SPECC1L: variants seen among roughly 807,000 people sequenced by gnomAD.
SPECC1L encodes sperm antigen with calponin homology and coiled-coil domains 1 like.
A neutral mutation model predicts 116.8 loss-of-function variants in SPECC1L; 40 were observed. The observed-to-expected ratio is 0.34, with a 90% CI of 0.27 to 0.45. SPECC1L has a LOEUF of 0.45. SPECC1L is among the 20% of genes least tolerant of loss of function. SPECC1L has a pLI of 1.00. For synonymous variants in SPECC1L, 504 were observed against 500.6 expected (o/e 1.01, Z -0.09); for missense variants, 1,110 against 1,373.6 (o/e 0.81, Z 3.03).
intron 2 of SPECC1L, among the ~76,000 whole-genome samples, chr22:24,284,812 G>A (rs1410375833): frequency 1.3e-5 from 2 of 152,122 alleles, no homozygotes; most frequent in East Asian, 3.9e-4. Flanking sequence ...AAAGAAGGAG[G>A]ACAATTTGAA....
chr22:24,293,641 C>T (rs1227777699), intron 2 of SPECC1L, among the ~76,000 whole-genome samples: 1 of 150,512 alleles, frequency 6.6e-6, no homozygotes, highest in East Asian at 2.0e-4. Context: ...AAATAATAGT[C>T]TTGCTGAGCT....
intron 14 of SPECC1L, among the ~76,000 whole-genome samples, chr22:24,411,283 G>A (rs1428496766): frequency 6.6e-6 from 1 of 152,220 alleles, no homozygotes; most frequent in Non-Finnish European, 1.5e-5. Context: ...AACAGGTCAT[G>A]GTAGAGGCCA....
chr22:24,363,370 T>C, intron 12 of SPECC1L, 26 bp downstream of exon 12: 1 of 1,593,882 alleles, frequency 6.3e-7, no homozygotes, highest in Non-Finnish European at 8.6e-7. Flanking sequence ...TGAATTTTTG[T>C]TGTATTTGTT....
intron 14 of SPECC1L, among the ~76,000 whole-genome samples, chr22:24,410,077 G>A (rs1478760571): frequency 2.6e-5 from 4 of 152,252 alleles, no homozygotes; most frequent in Admixed American, 1.3e-4. Flanking sequence ...GCACATAGCC[G>A]GCCTTAATCG....
rs1020486435 is a variant in SPECC1L, at chr22:24,404,749, C to T, written c.3088-6839C>T. Among the ~76,000 whole-genome samples the T allele has an allele frequency of 4.6e-5, 7 of 152,168 alleles. No individual in the cohort carries two copies. The East Asian group carries it at 5.8e-4, about 13-fold the overall frequency. ...CTTGAGCCCTGGCCCATGTCAAGTC[C>T]GTGTGTCAGCCCTGTCCAGCAAGAT... On this transcript the variant is annotated intron_variant, in intron 14 of 16. Coordinates refer to ENST00000314328, the MANE Select transcript of SPECC1L (RefSeq NM_015330.6).
At chr22:24,293,015 G>A (rs2049185011) in intron 2 of SPECC1L, among the ~76,000 whole-genome samples, 5 of 152,180 alleles carry the variant, frequency 3.3e-5, no homozygotes, top group Admixed American at 3.3e-4. Flanking sequence ...CTCCTGTAAT[G>A]CCAGCAACTT....
intron 14 of SPECC1L, among the ~76,000 whole-genome samples, chr22:24,389,138 A>G (rs1340719242): frequency 1.5e-5 from 2 of 133,708 alleles, no homozygotes; most frequent in Non-Finnish European, 3.1e-5. Flanking sequence ...TTTTGGAGAC[A>G]GAGTTTCACT....
At chr22:24,329,178 G>C (rs886861695) in intron 7 of SPECC1L, among the ~76,000 whole-genome samples, 15 of 152,154 alleles carry the variant, frequency 9.9e-5, no homozygotes, top group African/African-American at 3.6e-4. Flanking sequence ...TGCAACTCTT[G>C]GAGTGATGGC....
intron 2 of SPECC1L, among the ~76,000 whole-genome samples, chr22:24,284,912 G>A (rs986725373): frequency 2.6e-5 from 4 of 152,166 alleles, no homozygotes; most frequent in African/African-American, 9.7e-5. Flanking sequence ...AGAGGGAGTG[G>A]ATGAGAAGAG....
At chr22:24,343,456 TTTTTGTTTTG>T in intron 10 of SPECC1L, 1 of 448,934 alleles carries the variant, frequency 2.2e-6, no homozygotes, top group Non-Finnish European at 4.4e-6. Flanking sequence ...TTGTGTTTTT[TTTTTGTTTTG>T]TTTTGTTTTT....
chr22:24,326,289 T>C (rs1315122337), intron 6 of SPECC1L, among the ~76,000 whole-genome samples: 1 of 152,210 alleles, frequency 6.6e-6, no homozygotes, highest in South Asian at 2.1e-4. Flanking sequence ...AAATGAAAGG[T>C]GTAACTCCCA....
At chr22:24,299,355 T>G (rs2049329665) in intron 2 of SPECC1L, among the ~76,000 whole-genome samples, 1 of 152,096 alleles carries the variant, frequency 6.6e-6, no homozygotes, top group African/African-American at 2.4e-5. Context: ...CAGGATCCAT[T>G]GAGCTTGGAA....
intron 10 of SPECC1L, chr22:24,343,402 G>C: frequency 2.4e-6 from 1 of 420,874 alleles, no homozygotes; most frequent in South Asian, 1.7e-5. Flanking sequence ...AATGATCACA[G>C]ACTTCTAGTT....
chr22:24,380,369 C>T (rs1312036760), intron 14 of SPECC1L, among the ~76,000 whole-genome samples: 3 of 152,176 alleles, frequency 2.0e-5, no homozygotes, highest in Non-Finnish European at 4.4e-5. Context: ...CAGGTTGTGA[C>T]ACTTGACTAG....
At chr22:24,303,332 G>A (rs2049420350) in intron 3 of SPECC1L, among the ~76,000 whole-genome samples, 1 of 152,144 alleles carries the variant, frequency 6.6e-6, no homozygotes, top group South Asian at 2.1e-4. Flanking sequence ...TCTCCTAGCT[G>A]TGGCCCTGAG....
At chr22:24,273,356 CTT>C (rs759269297) in intron 1 of SPECC1L, among the ~76,000 whole-genome samples, 21 of 152,022 alleles carry the variant, frequency 1.4e-4, no homozygotes, top group South Asian at 4.2e-4. Flanking sequence ...TATTGGGAGT[CTT>C]TTATACAATT....
chr22:24,291,910 G>A (rs539808154), intron 2 of SPECC1L, among the ~76,000 whole-genome samples: 1 of 152,132 alleles, frequency 6.6e-6, no homozygotes, highest in Non-Finnish European at 1.5e-5. Flanking sequence ...TAAGCACAGA[G>A]AATTATTAAT....
At chr22:24,333,637 G>A (rs1290285605) in intron 8 of SPECC1L, among the ~76,000 whole-genome samples, 1 of 150,948 alleles carries the variant, frequency 6.6e-6, no homozygotes, top group African/African-American at 2.4e-5. Context: ...TTTTTAAAGA[G>A]TGTGGGCTAA....
At chr22:24,363,092 C>T (rs1050127560) in intron 11 of SPECC1L, among the ~76,000 whole-genome samples, 169 bp from the exon 12 acceptor site, 2 of 152,174 alleles carry the variant, frequency 1.3e-5, no homozygotes, top group South Asian at 2.1e-4. Context: ...TCTGTGTATA[C>T]GTGAGTTGTT....
Sources: gnomAD v4.1 joint callset for allele counts (sites outside exome capture counted in the v4.1 genomes callset) on GRCh38, gnomAD v4.1.1 for gene constraint, MANE v1.5 for transcripts, NCBI Gene and HGNC (gene_info 2026-07-23, HGNC 2026-07-21) for gene names.